The following ATP9B variants were observed in gnomAD, a reference collection of about 807,000 sequenced individuals.
ATP9B encodes ATPase phospholipid transporting 9B.
A neutral mutation model predicts 146.1 loss-of-function variants in ATP9B; 110 were observed. The ratio of observed to expected loss-of-function variants is 0.75; its 90% CI spans 0.65 to 0.88. The LOEUF is 0.88. ATP9B is among the 40% of genes least tolerant of loss of function. ATP9B has a pLI of 0.00. For missense variants in ATP9B, 1,499 were observed against 1,496.4 expected (o/e 1.00, Z -0.03); for synonymous variants, 604 against 569.7 (o/e 1.06, Z -0.86).
chr18:79,355,529 A>T (rs59127741), intron 25 of ATP9B, among the ~76,000 whole-genome samples: 7,990 of 152,272 alleles, frequency 0.052, 356 homozygotes, highest in African/African-American at 0.12. Flanking sequence ...GAACTGGAAG[A>T]CAGAAAAACA....
In ATP9B at chr18:79,378,044, A is replaced by C. The variant is rs2097110798; in HGVS notation, c.*661A>C. On this transcript the variant is annotated 3_prime_UTR_variant, in exon 30 of 30. Coordinates refer to ENST00000426216, the MANE Select transcript of ATP9B (RefSeq NM_198531.5). Reference sequence around the variant, plus strand: ...CTGGCATTCTGAGAATTAGACTGAAAGTTTAATTTCTGCAGTTCCCTCATA... The same window carrying C: ...CTGGCATTCTGAGAATTAGACTGAACGTTTAATTTCTGCAGTTCCCTCATA... The C allele has an allele frequency of 6.6e-6, 1 of 152,348 alleles. No individual in the cohort carries two copies. The highest frequency in any genetic ancestry group is 2.4e-5 in the African/African-American group (1 of 41,470). The allele number at this position is 152,348 out of a possible 1,614,324, so 9.4% of individuals were successfully genotyped here.
intron 26 of ATP9B, among the ~76,000 whole-genome samples, chr18:79,369,013 T>G (rs544428658): frequency 6.6e-6 from 1 of 152,168 alleles, no homozygotes; most frequent in African/African-American, 2.4e-5. Flanking sequence ...GGTTTGTTCT[T>G]GATATGCTTT....
chr18:79,327,449 G>GCC (rs1210665200), intron 15 of ATP9B, among the ~76,000 whole-genome samples: 4 of 150,670 alleles, frequency 2.7e-5, no homozygotes, highest in African/African-American at 1.0e-4. Context: ...TGGTTAGTGT[G>GCC]CTCCCCATGG....
intron 4 of ATP9B, among the ~76,000 whole-genome samples, chr18:79,121,053 A>AT (rs1181937781): frequency 6.6e-6 from 1 of 152,226 alleles, no homozygotes; most frequent in Non-Finnish European, 1.5e-5. Context: ...TGTAAATTAG[A>AT]GGTAAAGATA....
intron 12 of ATP9B, among the ~76,000 whole-genome samples, chr18:79,276,251 A>G (rs1002094931): frequency 3.9e-5 from 6 of 152,242 alleles, no homozygotes; most frequent in Admixed American, 3.9e-4. Flanking sequence ...TTCCAGGCCT[A>G]CAGGGTTCCA....
chr18:79,169,702 A>G (rs2095040455), intron 7 of ATP9B, among the ~76,000 whole-genome samples: 1 of 152,224 alleles, frequency 6.6e-6, no homozygotes, highest in South Asian at 2.1e-4. Flanking sequence ...ATTATACCGT[A>G]GTATTTCAGC....
Position 79,151,188 on chromosome 18 carries a change from A to C in ATP9B, c.727-3316A>C, listed in dbSNP as rs149606696. On this transcript the variant is annotated intron_variant, in intron 6 of 29. Transcript: ENST00000426216. ...TTGAATACTCGCATTTCACTATTTCAAAACTTAATGCAGATTTACAGTAAT... is the reference window on the plus strand; with the variant it reads ...TTGAATACTCGCATTTCACTATTTCCAAACTTAATGCAGATTTACAGTAAT... Among the ~76,000 whole-genome samples the C allele has an allele frequency of 3.8e-3, 573 of 152,362 alleles. 1 individual carries two copies. Among genetic ancestry groups the C allele is most frequent in the Admixed American group, 0.011 (174 of 15,308 alleles).
intron 5 of ATP9B, among the ~76,000 whole-genome samples, chr18:79,140,790 C>CA (rs1482168859): frequency 1.3e-5 from 2 of 150,924 alleles, no homozygotes; most frequent in East Asian, 1.9e-4. Flanking sequence ...CAAACAGCAG[C>CA]AAAAAAAAGA....
intron 5 of ATP9B, among the ~76,000 whole-genome samples, chr18:79,135,998 C>T (rs559076898): frequency 6.6e-6 from 1 of 152,250 alleles, no homozygotes; most frequent in South Asian, 2.1e-4. Flanking sequence ...AAACATCATG[C>T]TCTTTTGGTT....
intron 26 of ATP9B, 80 bp downstream of exon 26, chr18:79,359,542 C>A: frequency 3.7e-6 from 4 of 1,069,524 alleles, no homozygotes; most frequent in South Asian, 2.6e-5. Flanking sequence ...ACAGGCCAGT[C>A]AGGAGGCATT....
intron 2 of ATP9B, among the ~76,000 whole-genome samples, chr18:79,106,744 A>G (rs2075676528): frequency 6.6e-6 from 1 of 152,172 alleles, no homozygotes; most frequent in Admixed American, 6.5e-5. Flanking sequence ...AAAATGTTGA[A>G]TATTTATGTT....
At chr18:79,335,395 A>C (rs757561959) in intron 17 of ATP9B, among the ~76,000 whole-genome samples, 2 of 152,220 alleles carry the variant, frequency 1.3e-5, no homozygotes, top group Non-Finnish European at 2.9e-5. Context: ...GCCTTGTCCC[A>C]GAGAGCCTGT....
chr18:79,175,019 T>G (rs1007071397), intron 7 of ATP9B, among the ~76,000 whole-genome samples: 1 of 151,838 alleles, frequency 6.6e-6, no homozygotes, highest in Non-Finnish European at 1.5e-5. Flanking sequence ...GCCAACATGG[T>G]GAAACCCTGT....
intron 11 of ATP9B, among the ~76,000 whole-genome samples, chr18:79,217,535 A>G (rs888976122): frequency 2.0e-5 from 3 of 152,236 alleles, no homozygotes; most frequent in Admixed American, 6.5e-5. Context: ...GGGAAATGAA[A>G]TATATACTTA....
At chr18:79,365,243 G>A (rs888887537) in intron 26 of ATP9B, among the ~76,000 whole-genome samples, 1 of 152,144 alleles carries the variant, frequency 6.6e-6, no homozygotes, top group Admixed American at 6.5e-5. Context: ...AGATGGCAAG[G>A]AAGCCTGTGA....
At chr18:79,199,439 A>C (rs1208226997) in intron 9 of ATP9B, among the ~76,000 whole-genome samples, 2 of 152,124 alleles carry the variant, frequency 1.3e-5, no homozygotes, top group Non-Finnish European at 2.9e-5. Flanking sequence ...GTTTTTAAAA[A>C]TTTTACTTTT....
chr18:79,121,458 C>T (rs1408017055), intron 4 of ATP9B, among the ~76,000 whole-genome samples: 1 of 152,156 alleles, frequency 6.6e-6, no homozygotes, highest in Non-Finnish European at 1.5e-5. Context: ...TCCAAGTGCT[C>T]CTACAGTAAG....
intron 26 of ATP9B, among the ~76,000 whole-genome samples, chr18:79,369,280 AT>A (rs1306043437): frequency 1.3e-5 from 2 of 149,944 alleles, no homozygotes; most frequent in African/African-American, 4.9e-5. Context: ...CACGCCTGTA[AT>A]CCCAGCACTT....
chr18:79,350,585 C>A (rs946864343), intron 25 of ATP9B, among the ~76,000 whole-genome samples: 1 of 152,160 alleles, frequency 6.6e-6, no homozygotes, highest in African/African-American at 2.4e-5. Flanking sequence ...CAACTCATAG[C>A]CCATACAGTT....
Sources: gnomAD v4.1 joint callset for allele counts (sites outside exome capture counted in the v4.1 genomes callset) on GRCh38, gnomAD v4.1.1 for gene constraint, MANE v1.5 for transcripts, NCBI Gene and HGNC (gene_info 2026-07-23, HGNC 2026-07-21) for gene names.